Variants in TMPRSS11E observed in about 807,000 individuals in gnomAD.
The protein encoded by TMPRSS11E is transmembrane serine protease 11E.
TMPRSS11E carries 38 observed loss-of-function variants against 48.1 expected under a neutral mutation model. The observed-to-expected ratio is 0.79, with a 90% CI of 0.61 to 1.04. The LOEUF (loss-of-function observed/expected upper bound fraction) is 1.04. Among genes scored for constraint, TMPRSS11E ranks in the 50% least tolerant of loss-of-function variants. TMPRSS11E has a pLI of 0.00. For synonymous variants in TMPRSS11E, 158 were observed against 171.9 expected (o/e 0.92, Z 0.63); for missense variants, 530 against 510.8 (o/e 1.04, Z -0.36).
chr4:68,477,735 C>G, intron 8 of TMPRSS11E, 107 bp downstream of exon 8: 1 of 1,376,836 alleles, frequency 7.3e-7, no homozygotes, highest in Non-Finnish European at 1.0e-6. Context: ...GGTCATATGA[C>G]CTGGACCAAG....
At chr4:68,489,709 C>G (rs1307685659) in intron 9 of TMPRSS11E, among the ~76,000 whole-genome samples, 3 of 152,218 alleles carry the variant, frequency 2.0e-5, no homozygotes, top group East Asian at 3.9e-4. Context: ...CAAAAAATGC[C>G]TTGGCTGGGC....
intron 4 of TMPRSS11E, 132 bp from the exon 5 acceptor site, chr4:68,471,328 C>A: frequency 1.8e-6 from 1 of 562,010 alleles, no homozygotes; most frequent in Non-Finnish European, 2.9e-6. Context: ...CTCCTTCCTT[C>A]CTTTTCTCTT....
At chr4:68,455,035 C>A (rs1196451649) in intron 1 of TMPRSS11E, among the ~76,000 whole-genome samples, 3 of 151,860 alleles carry the variant, frequency 2.0e-5, no homozygotes, top group Non-Finnish European at 2.9e-5. Context: ...GAACTTATTC[C>A]TTCTATCTAT....
chr4:68,461,989 T>C (rs773234076), intron 2 of TMPRSS11E, 44 bp downstream of exon 2: 4 of 1,611,150 alleles, frequency 2.5e-6, no homozygotes, highest in Non-Finnish European at 3.4e-6. Context: ...ACCCCAAATA[T>C]TTCCTCATAC....
At chr4:68,494,973 C>T (rs1440937912) in intron 9 of TMPRSS11E, among the ~76,000 whole-genome samples, 1 of 152,030 alleles carries the variant, frequency 6.6e-6, no homozygotes, top group Non-Finnish European at 1.5e-5. Flanking sequence ...AAAACAGTGC[C>T]CCAAATGTGT....
At chr4:68,463,304 C>CT (rs897028473) in intron 2 of TMPRSS11E, among the ~76,000 whole-genome samples, 31 of 151,220 alleles carry the variant, frequency 2.0e-4, no homozygotes, top group Admixed American at 1.5e-3. Flanking sequence ...CTGTAGCACA[C>CT]TTTTTTTTTG....
rs1560548887 is a variant in TMPRSS11E at position 68,461,965 on chromosome 4, G to T, written c.136+20G>T. 6.2e-7 allele frequency: 1 copy of T among 1,613,410 alleles called. No individual in the cohort carries two copies. The highest frequency in any genetic ancestry group is 1.7e-5 in the Admixed American group (1 of 59,980). On this transcript the variant is annotated intron_variant, in intron 2 of 9. Transcript: ENST00000305363. ...GATATAGTAAGTATAAGCTGCCTTG[G>T]CATCATGTGATTTACCCCAAATATT...
intron 2 of TMPRSS11E, among the ~76,000 whole-genome samples, chr4:68,464,349 T>C (rs923129686): frequency 3.3e-5 from 5 of 152,056 alleles, no homozygotes; most frequent in African/African-American, 9.7e-5. Flanking sequence ...CCCAGGACAA[T>C]GTAGAATTCT....
chr4:68,496,683 A>T lies in TMPRSS11E; in HGVS notation c.1151A>T (p.Asp384Val), dbSNP rs772395002. The T allele has an allele frequency of 1.2e-6, 2 of 1,613,602 alleles. No homozygotes were observed. Among genetic ancestry groups the T allele is most frequent in the Non-Finnish European group, 1.7e-6 (2 of 1,179,634 alleles). The change falls in exon 10 of 10, where the codon GAT (aspartate) becomes GTT (valine). Residue 384 changes from aspartate to valine, a missense_variant. Transcript: ENST00000305363. Reference protein sequence around the residue: ...GGPLVSSDARDIWYLAGIVSW... With the variant: ...GGPLVSSDARVIWYLAGIVSW... ...CCACTGGTTAGTTCAGATGCTAGAG[A>T]TATCTGGTACCTTGCTGGAATAGTG...
chr4:68,478,973 A>C lies in TMPRSS11E; in HGVS notation c.1092A>C (p.Gly364=). 1.9e-6 allele frequency: 3 copies of C among 1,613,764 alleles called. No homozygotes were observed. Among genetic ancestry groups the C allele is most frequent in the Non-Finnish European group, 2.5e-6 (3 of 1,179,878 alleles). ...TGTTATGTGCTGGCTCCTTAGAAGG[A>C]AAAACAGATGCATGCCAGGTAAACA... ...PRMLCAGSLE[G]KTDACQGDSG... The change falls in exon 9 of 10, where the codon GGA becomes GGC. Residue 364 remains glycine, a synonymous_variant. Transcript: ENST00000305363.
chr4:68,491,903 T>C (rs1328046328), intron 9 of TMPRSS11E, among the ~76,000 whole-genome samples: 1 of 152,216 alleles, frequency 6.6e-6, no homozygotes, highest in African/African-American at 2.4e-5. Context: ...CTCCACCTCA[T>C]TTAATTCCCT....
At chr4:68,456,232 T>G (rs961575484) in intron 1 of TMPRSS11E, among the ~76,000 whole-genome samples, 1 of 151,964 alleles carries the variant, frequency 6.6e-6, no homozygotes, top group African/African-American at 2.4e-5. Flanking sequence ...TACTGTCACG[T>G]AAGTTTTATG....
intron 4 of TMPRSS11E, among the ~76,000 whole-genome samples, chr4:68,470,008 C>G (rs998478854): frequency 2.5e-4 from 38 of 151,960 alleles, no homozygotes; most frequent in African/African-American, 9.1e-4. Flanking sequence ...ATTCTGTCTT[C>G]TGTTACTGCA....
Position 68,457,631 on chromosome 4 carries a change from A to G in TMPRSS11E, c.12-4190A>G, listed in dbSNP as rs534551874. Among the ~76,000 whole-genome samples the G allele has an allele frequency of 1.4e-4, 21 of 152,262 alleles. 1 individual carries two copies. In the South Asian group the frequency reaches 4.1e-3, roughly 30 times the overall value. The stretch of plus-strand genomic sequence containing the variant: ...ATTGCGGCACTGTTCACAATAGCAA[A>G]GACTTGGAACCAACCCAAATGCCCA... On this transcript the variant is annotated intron_variant, in intron 1 of 9. Coordinates refer to ENST00000305363, the MANE Select transcript of TMPRSS11E (RefSeq NM_014058.4).
chr4:68,477,299 T>A (rs1729248699), intron 7 of TMPRSS11E, 70 bp from the exon 8 acceptor site: 1 of 1,432,886 alleles, frequency 7.0e-7, no homozygotes, highest in African/African-American at 1.4e-5. Flanking sequence ...GTAGACTAAA[T>A]TATTTAATAT....
At chr4:68,479,820 C>A (rs1171389680) in intron 9 of TMPRSS11E, among the ~76,000 whole-genome samples, 1 of 151,906 alleles carries the variant, frequency 6.6e-6, no homozygotes, top group African/African-American at 2.4e-5. Context: ...ACAGTCATTT[C>A]TGTTTTAGGA....
intron 1 of TMPRSS11E, among the ~76,000 whole-genome samples, chr4:68,460,172 A>G (rs1728750054): frequency 6.6e-6 from 1 of 152,112 alleles, no homozygotes; most frequent in Non-Finnish European, 1.5e-5. Context: ...TCCCTTTCCC[A>G]GGGACAGGAT....
rs1414301700 is a variant in TMPRSS11E, at chr4:68,449,129, T to TG, written c.11+1606_11+1607insG. ...ACCTGAATAAGAATCAGTTTTTTTT[T>TG]TTTTTTTTTAGAATTTAAGGGTAGG... On this transcript the variant is annotated intron_variant, in intron 1 of 9. Transcript: ENST00000305363. Among the ~76,000 whole-genome samples the TG allele has an allele frequency of 2.6e-4, 40 of 150,968 alleles. 1 individual carries two copies. Among genetic ancestry groups the TG allele is most frequent in the Admixed American group, 6.6e-4 (10 of 15,126 alleles).
intron 5 of TMPRSS11E, among the ~76,000 whole-genome samples, chr4:68,473,110 T>G (rs1294310137): frequency 2.0e-5 from 3 of 152,012 alleles, no homozygotes; most frequent in Non-Finnish European, 2.9e-5. Flanking sequence ...TATGAGAAAA[T>G]TCTACCAACA....
Sources: allele counts gnomAD v4.1 joint callset (sites outside exome capture counted in the v4.1 genomes callset), GRCh38; gene constraint gnomAD v4.1.1; transcripts MANE v1.5; gene names NCBI Gene and HGNC (gene_info 2026-07-23, HGNC 2026-07-21).